Variants in DENND2B observed in about 807,000 individuals in gnomAD.
DENND2B encodes the protein DENN domain-containing protein 2B.
Under a neutral mutation model 116.0 loss-of-function variants are expected in DENND2B, and 32 were observed. That is an observed-to-expected ratio of 0.28 (90% CI 0.21 to 0.37). The LOEUF (loss-of-function observed/expected upper bound fraction) is 0.37. Among genes scored for constraint, DENND2B ranks in the 10% least tolerant of loss-of-function variants. DENND2B has a pLI of 1.00. For missense variants in DENND2B, 1,276 were observed against 1,477.7 expected (o/e 0.86, Z 2.24); for synonymous variants, 588 against 583.9 (o/e 1.01, Z -0.10).
intron 4 of DENND2B, among the ~76,000 whole-genome samples, chr11:8,725,320 C>A (rs1206048686): frequency 2.0e-5 from 3 of 152,036 alleles, no homozygotes; most frequent in African/African-American, 7.2e-5. Flanking sequence ...AGGTAGCAGG[C>A]CTGCACCAGA....
At chr11:8,744,795 G>A (rs1422788827) in intron 2 of DENND2B, among the ~76,000 whole-genome samples, 1 of 152,148 alleles carries the variant, frequency 6.6e-6, no homozygotes, top group Non-Finnish European at 1.5e-5. Context: ...TGTCCCACCA[G>A]TGTCTTTTGG....
intron 1 of DENND2B, among the ~76,000 whole-genome samples, chr11:8,781,878 G>A (rs1457454043): frequency 6.6e-6 from 1 of 152,192 alleles, no homozygotes; most frequent in African/African-American, 2.4e-5. Context: ...TTAAAGTGAT[G>A]AGATATTATA....
At chr11:8,729,813 C>T (rs1376276393) in intron 3 of DENND2B, 137 bp downstream of exon 3, 47 of 1,177,546 alleles carry the variant, frequency 4.0e-5, no homozygotes, top group Non-Finnish European at 5.5e-5. Flanking sequence ...CCACAACTAC[C>T]ACCTAACAAT....
intron 4 of DENND2B, among the ~76,000 whole-genome samples, chr11:8,820,346 T>C (rs886211040): frequency 1.3e-5 from 2 of 152,214 alleles, no homozygotes; most frequent in East Asian, 1.9e-4. Context: ...AAATGGGATA[T>C]GGCTTTTGGA....
intron 4 of DENND2B, among the ~76,000 whole-genome samples, chr11:8,826,627 C>A (rs1188149982): frequency 6.6e-6 from 1 of 152,114 alleles, no homozygotes; most frequent in East Asian, 1.9e-4. Flanking sequence ...ACATGGAAGG[C>A]GGCCCTGATC....
At chr11:8,841,612 T>C (rs2134617505) in intron 3 of DENND2B, among the ~76,000 whole-genome samples, 1 of 152,340 alleles carries the variant, frequency 6.6e-6, no homozygotes, top group Middle Eastern at 3.4e-3. Flanking sequence ...ACTGTACCAC[T>C]GCACTCCAGC....
Position 8,716,525 on chromosome 11 carries a change from T to G in DENND2B, c.1630-707A>C, listed in dbSNP as rs915240116. ...ACCACTGTCTGGTTCTGGAATTGCC[T>G]CTCCTCACTCCTCAGCAAATCCTCC... On this transcript the variant is annotated intron_variant, in intron 5 of 19. Coordinates refer to ENST00000313726, the MANE Select transcript of DENND2B (RefSeq NM_213618.2). Among the ~76,000 whole-genome samples the G allele has an allele frequency of 3.1e-4, 47 of 152,112 alleles. 1 individual carries two copies. Among genetic ancestry groups the G allele is most frequent in the Non-Finnish European group, 2.9e-5 (2 of 68,022 alleles).
At chr11:8,734,689 T>C (rs1339471734) in intron 2 of DENND2B, among the ~76,000 whole-genome samples, 3 of 148,528 alleles carry the variant, frequency 2.0e-5, no homozygotes, top group Non-Finnish European at 1.5e-5. Flanking sequence ...CTCGGGAGGC[T>C]GAGGCAGGAG....
At position 8,729,969 on chromosome 11, in the gene DENND2B, G is replaced by T; in HGVS notation, c.1321C>A (p.His441Asn). The T allele has an allele frequency of 6.2e-7, 1 of 1,614,120 alleles. No individual in the cohort carries two copies. Among genetic ancestry groups the T allele is most frequent in the South Asian group, 1.1e-5 (1 of 91,066 alleles). The change falls in exon 3 of 20, where the codon CAC becomes AAC. Residue 441 changes from histidine (H) to asparagine (N), a missense_variant. This residue lies in a region of DENND2B where 856 missense variants were observed against 846.6 expected (regional missense o/e 1.01). Transcript: ENST00000313726. ...CATTACCTGCTCTGGGACTTGCGGT[G>T]ACCACGCATGTCCTTCTTGGGTCTC... is the stretch of plus-strand genomic sequence containing the variant. ...TRRPKKDMRG[H>N]RKSQSRKSFE...
intron 2 of DENND2B, among the ~76,000 whole-genome samples, chr11:8,865,259 A>G (rs1357521143): frequency 1.3e-5 from 2 of 152,194 alleles, no homozygotes; most frequent in Non-Finnish European, 2.9e-5. Context: ...AAAGGACTTG[A>G]GTAAAATTCT....
intron 17 of DENND2B, 117 bp downstream of exon 17, chr11:8,697,408 T>C: frequency 1.3e-6 from 1 of 743,748 alleles, no homozygotes; most frequent in Non-Finnish European, 2.3e-6. Flanking sequence ...GAGACCAAGG[T>C]CCTCATCAGC....
intron 1 of DENND2B, among the ~76,000 whole-genome samples, chr11:8,756,746 GC>G (rs2053674737): frequency 6.6e-6 from 1 of 152,132 alleles, no homozygotes; most frequent in South Asian, 2.1e-4. Context: ...GCAGCCCCAG[GC>G]CCTCATCTAT....
At chr11:8,887,894 A>G (rs539074795) in intron 1 of DENND2B, among the ~76,000 whole-genome samples, 68 of 152,250 alleles carry the variant, frequency 4.5e-4, no homozygotes, top group Admixed American at 2.7e-3. Flanking sequence ...GTATACACCC[A>G]ATCTGCCCCT....
Position 8,717,832 on chromosome 11 carries a change from C to A in DENND2B, c.1538G>T (p.Arg513Leu). The A allele has an allele frequency of 1.2e-6, 2 of 1,613,478 alleles. No individual in the cohort carries two copies. Among genetic ancestry groups the A allele is most frequent in the Non-Finnish European group, 1.7e-6 (2 of 1,179,546 alleles). The stretch of plus-strand genomic sequence containing the variant: ...GTTCTCAGACAGTTGCTGGGATTTT[C>A]GTCCTGCTCTTCGGCTCTTTAAGTC... ...DVDLKSRRAG[R>L]KSQQLSENSL... Residue 513 changes from arginine to leucine, a missense_variant, in exon 5 of 20, where the codon CGA becomes CTA. Around this residue, in one of 2 missense-constraint regions of DENND2B, gnomAD observed 856 missense variants for 846.6 expected, o/e 1.01. Coordinates refer to ENST00000313726, the MANE Select transcript of DENND2B (RefSeq NM_213618.2).
chr11:8,801,995 G>GAA (rs35017643), intron 1 of DENND2B, among the ~76,000 whole-genome samples: 10 of 58,900 alleles, frequency 1.7e-4, no homozygotes, highest in African/African-American at 3.8e-4. Flanking sequence ...CTCTCTTGGG[G>GAA]AAAAAAAAAA....
chr11:8,780,831 G>T (rs2058298954), intron 1 of DENND2B, among the ~76,000 whole-genome samples: 1 of 152,224 alleles, frequency 6.6e-6, no homozygotes, highest in Admixed American at 6.5e-5. Flanking sequence ...GGACAAGGGA[G>T]AGAGAGAACT....
chr11:8,697,694 G>T, intron 16 of DENND2B, 58 bp from the exon 17 acceptor site: 1 of 1,145,332 alleles, frequency 8.7e-7, no homozygotes, highest in Non-Finnish European at 1.3e-6. Context: ...CTTACTATGT[G>T]CTAAGACCTG....
At chr11:8,870,535 G>C (rs2063744533) in intron 2 of DENND2B, among the ~76,000 whole-genome samples, 1 of 152,030 alleles carries the variant, frequency 6.6e-6, no homozygotes, top group African/African-American at 2.4e-5. Flanking sequence ...GCGCGCGCGC[G>C]CGCGCGTTCT....
intron 1 of DENND2B, among the ~76,000 whole-genome samples, chr11:8,757,865 C>G (rs747684076): frequency 1.3e-5 from 2 of 152,208 alleles, no homozygotes; most frequent in African/African-American, 2.4e-5. Context: ...TAATTTAGTT[C>G]TCACCATTCT....
Sources: gnomAD v4.1 joint callset for allele counts (sites outside exome capture counted in the v4.1 genomes callset) on GRCh38, gnomAD v4.1.1 for gene constraint, gnomAD v4.1.1 regional missense constraint, MANE v1.5 for transcripts, NCBI Gene and HGNC (gene_info 2026-07-23, HGNC 2026-07-21) for gene names.